Variants in PCDHGB1 observed in about 807,000 individuals in gnomAD.
The protein encoded by PCDHGB1 is protocadherin gamma-B1.
PCDHGB1 carries 34 observed loss-of-function variants against 56.6 expected under a neutral mutation model. The observed-to-expected ratio is 0.60, with a 90% CI of 0.46 to 0.80. PCDHGB1 has a LOEUF of 0.80. Ranked by LOEUF, PCDHGB1 falls within the 30% of genes least tolerant of loss-of-function variation. PCDHGB1 has a pLI of 0.00. For synonymous variants in PCDHGB1, 561 were observed against 505.9 expected (o/e 1.11, Z -1.46); for missense variants, 1,278 against 1,204.6 (o/e 1.06, Z -0.90).
At chr5:141,372,206 G>C in intron 1 of PCDHGB1, 1 of 1,613,590 alleles carries the variant, frequency 6.2e-7, no homozygotes, top group East Asian at 2.2e-5. Flanking sequence ...ACGCCTGGCT[G>C]TCCTACCACA....
intron 1 of PCDHGB1, among the ~76,000 whole-genome samples, chr5:141,358,502 A>AT (rs1378109412): frequency 1.3e-5 from 2 of 152,160 alleles, no homozygotes; most frequent in African/African-American, 4.8e-5. Context: ...TTAACAGGAT[A>AT]TTTTCTCAAT....
chr5:141,420,238 T>C, intron 1 of PCDHGB1: 2 of 1,594,838 alleles, frequency 1.3e-6, no homozygotes, highest in South Asian at 1.1e-5. Context: ...GCATTTTAAC[T>C]CCCAGCGTTG....
intron 1 of PCDHGB1, chr5:141,364,724 C>A (rs772314048): frequency 6.2e-7 from 1 of 1,613,892 alleles, no homozygotes. Context: ...TAACTTCCCG[C>A]GTTTCCGGGA....
chr5:141,393,453 G>T lies in PCDHGB1; in HGVS notation c.2409+40784G>T, dbSNP rs373805221. On this transcript the variant is annotated intron_variant, in intron 1 of 3. Transcript: ENST00000523390. ...GGCTGCTCACCACCTGGTCCTCACG[G>T]CCTCGGATGGCGGCAAGCCGCCTCG... 6.6e-5 allele frequency: 107 copies of T among 1,614,038 alleles called. 2 individuals carry two copies. In the South Asian group the frequency reaches 1.0e-3, roughly 15 times the overall value.
chr5:141,395,542 T>TTGTTTGTGTGTGTG (rs1267535064), intron 1 of PCDHGB1: 1 of 168,708 alleles, frequency 5.9e-6, no homozygotes, highest in African/African-American at 5.7e-5. Flanking sequence ...TTGCTATTGT[T>TTGTTTGTGTGTGTG]TGTGTGTGTG....
Position 141,477,354 on chromosome 5 carries a change from C to T in PCDHGB1, c.2410-17453C>T, listed in dbSNP as rs1164062950. On this transcript the variant is annotated intron_variant, in intron 1 of 3. Coordinates refer to ENST00000523390, the MANE Select transcript of PCDHGB1 (RefSeq NM_018922.3). This position sits in a 1 kb window ranked among gnomAD's most constrained non-coding sequence, Gnocchi z 4.9. ...AATTACTTCACTTTGAAAACCAGTG[C>T]AGACCTGGATCGGGAGACTGTGCCA... 14 of 1,614,202 alleles carry T rather than the reference C, an allele frequency of 8.7e-6. No homozygotes were observed. The highest frequency in any genetic ancestry group is 1.1e-5 in the Non-Finnish European group (13 of 1,180,036).
chr5:141,388,391 T>C, intron 1 of PCDHGB1: 2 of 1,613,964 alleles, frequency 1.2e-6, no homozygotes, highest in Non-Finnish European at 1.7e-6. Flanking sequence ...CACTGCAGAA[T>C]TACCAACTCA....
intron 1 of PCDHGB1, chr5:141,427,261 C>A (rs903526432): frequency 1.5e-5 from 7 of 456,556 alleles, no homozygotes; most frequent in African/African-American, 4.0e-5. Flanking sequence ...GGAGGCATGA[C>A]CAGCGAATGT....
intron 1 of PCDHGB1, among the ~76,000 whole-genome samples, chr5:141,466,021 G>A (rs2099115061): frequency 6.6e-6 from 1 of 151,934 alleles, no homozygotes; most frequent in Admixed American, 6.6e-5. Flanking sequence ...ACTCGGGAGG[G>A]TGAGGCAGGA....
chr5:141,409,879 A>C, intron 1 of PCDHGB1: 1 of 1,612,852 alleles, frequency 6.2e-7, no homozygotes. Context: ...ATGACAACGC[A>C]CCGCGGGTGC....
At chr5:141,393,265 G>T (rs755014362) in intron 1 of PCDHGB1, 3 of 1,613,904 alleles carry the variant, frequency 1.9e-6, no homozygotes, top group South Asian at 1.1e-5. Flanking sequence ...CCTGGAGCAC[G>T]TTATCCACTC....
chr5:141,481,085 A>T (rs1200522212), intron 1 of PCDHGB1, among the ~76,000 whole-genome samples: 1 of 152,192 alleles, frequency 6.6e-6, no homozygotes, highest in African/African-American at 2.4e-5. Flanking sequence ...AAGAAAAAAG[A>T]AAAGCAGTAC....
chr5:141,417,572 G>T, intron 1 of PCDHGB1: 1 of 376,228 alleles, frequency 2.7e-6, no homozygotes, highest in East Asian at 4.1e-5. Flanking sequence ...AAGTCAAGTT[G>T]CAGTCCCACA....
At chr5:141,421,478 G>T in intron 1 of PCDHGB1, 1 of 1,614,130 alleles carries the variant, frequency 6.2e-7, no homozygotes, top group Non-Finnish European at 8.5e-7. Flanking sequence ...CGAAGCGGCA[G>T]CTTGATCACG....
chr5:141,424,776 A>G (rs1406581367), intron 1 of PCDHGB1: 2 of 152,154 alleles, frequency 1.3e-5, no homozygotes, highest in African/African-American at 4.8e-5. Context: ...CAAATAGTAC[A>G]TTCAGTTCTT....
In PCDHGB1 at chr5:141,432,167, T is replaced by G. The variant is rs559707772; in HGVS notation, c.2410-62640T>G. The G allele has an allele frequency of 1.4e-5, 22 of 1,613,962 alleles. No homozygotes were observed. The highest frequency in any genetic ancestry group is 9.3e-5 in the African/African-American group (7 of 74,972). On this transcript the variant is annotated intron_variant, in intron 1 of 3. Coordinates refer to ENST00000523390, the MANE Select transcript of PCDHGB1 (RefSeq NM_018922.3). The surrounding 1 kb of genome is among the most constrained non-coding windows in gnomAD (Gnocchi z 6.0). Reference sequence around the variant, plus strand: ...CCCAGAGAACAATCCCAGAGGAGTTTCCCTCGTCTCTGTGACCGCCCACGA... The same window carrying G: ...CCCAGAGAACAATCCCAGAGGAGTTGCCCTCGTCTCTGTGACCGCCCACGA...
chr5:141,506,994 G>A (rs1053891468), intron 3 of PCDHGB1: 1 of 152,126 alleles, frequency 6.6e-6, no homozygotes, highest in Non-Finnish European at 1.5e-5. Context: ...TCTCACACTC[G>A]ACAGATGAGA....
At chr5:141,470,469 A>T (rs1423801455) in intron 1 of PCDHGB1, among the ~76,000 whole-genome samples, 1 of 152,194 alleles carries the variant, frequency 6.6e-6, no homozygotes, top group Non-Finnish European at 1.5e-5. Context: ...ATTTTCTGAT[A>T]TTACTAACCC....
chr5:141,368,882 C>T (rs992495169), intron 1 of PCDHGB1, among the ~76,000 whole-genome samples: 1 of 152,134 alleles, frequency 6.6e-6, no homozygotes, highest in Non-Finnish European at 1.5e-5. Flanking sequence ...AGTCTTGAGT[C>T]AGTTATATTT....
Sources: gnomAD v4.1 joint callset for allele counts (sites outside exome capture counted in the v4.1 genomes callset) on GRCh38, gnomAD v4.1.1 for gene constraint, Gnocchi (gnomAD v3.1) non-coding constraint, MANE v1.5 for transcripts, NCBI Gene and HGNC (gene_info 2026-07-23, HGNC 2026-07-21) for gene names.